The following STARD13 variants were observed in gnomAD, a reference collection of about 807,000 sequenced individuals.
The protein encoded by STARD13 is StAR related lipid transfer domain containing 13.
A neutral mutation model predicts 106.4 loss-of-function variants in STARD13; 62 were observed. The observed-to-expected ratio is 0.58, with a 90% CI of 0.48 to 0.72. The LOEUF is 0.72. Ranked by LOEUF, STARD13 falls within the 30% of genes least tolerant of loss-of-function variation. The pLI is 0.00. For synonymous variants in STARD13, 565 were observed against 553.0 expected (o/e 1.02, Z -0.31); for missense variants, 1,387 against 1,424.0 (o/e 0.97, Z 0.42).
chr13:33,449,812 G>A, the STARD13 span, among the ~76,000 whole-genome samples: 1 of 152,010 alleles, frequency 6.6e-6, no homozygotes, highest in Non-Finnish European at 1.5e-5. Flanking sequence ...TGCTTCGTTA[G>A]TTAAATTTAT....
At chr13:33,171,013 G>A (rs1883894783) in intron 1 of STARD13, among the ~76,000 whole-genome samples, 1 of 152,070 alleles carries the variant, frequency 6.6e-6, no homozygotes, top group Admixed American at 6.5e-5. Flanking sequence ...CAAAATGACT[G>A]GAGAACTAAA....
chr13:33,564,222 A>G, the STARD13 span, among the ~76,000 whole-genome samples: 19 of 143,714 alleles, frequency 1.3e-4, 1 homozygote, highest in South Asian at 2.2e-4. Flanking sequence ...AAAAAAAAAA[A>G]AAAAAGAAAA....
chr13:33,592,513 T>A, the STARD13 span, among the ~76,000 whole-genome samples: 39 of 152,290 alleles, frequency 2.6e-4, no homozygotes, highest in African/African-American at 8.2e-4. Context: ...TACAGGAGAA[T>A]GAGATACTCC....
chr13:33,327,917 G>A (rs2077794773), intron 1 of STARD13, among the ~76,000 whole-genome samples: 1 of 152,172 alleles, frequency 6.6e-6, no homozygotes, highest in African/African-American at 2.4e-5. Context: ...TTCTTGTGCG[G>A]TTCAAAAGTT....
At chr13:33,466,773 A>G in the STARD13 span, among the ~76,000 whole-genome samples, 1 of 152,258 alleles carries the variant, frequency 6.6e-6, no homozygotes, top group African/African-American at 2.4e-5. Context: ...ACTTTATGTT[A>G]TTAGTTGCTA....
At chr13:33,374,642 A>G in the STARD13 span, among the ~76,000 whole-genome samples, 1 of 152,150 alleles carries the variant, frequency 6.6e-6, no homozygotes, top group Non-Finnish European at 1.5e-5. Context: ...TTTTTCATGG[A>G]GTATATAGTT....
intron 10 of STARD13, among the ~76,000 whole-genome samples, chr13:33,111,391 G>C (rs1216337676): frequency 6.6e-6 from 1 of 152,146 alleles, no homozygotes; most frequent in East Asian, 1.9e-4. Flanking sequence ...CATATCTGTG[G>C]CTGTATTCAT....
intron 1 of STARD13, among the ~76,000 whole-genome samples, chr13:33,207,140 T>A (rs775055059): frequency 7.9e-5 from 12 of 152,202 alleles, no homozygotes; most frequent in Non-Finnish European, 1.5e-4. Flanking sequence ...GAGCTAAAGA[T>A]GAAAGGATTC....
chr13:33,236,771 T>C lies in STARD13; in HGVS notation c.169+48699A>G, dbSNP rs114375063. 3.2e-3 allele frequency among the ~76,000 whole-genome samples: 491 copies of C among 152,332 alleles called. 2 individuals carry two copies. Among genetic ancestry groups the C allele is most frequent in the African/African-American group, 0.011 (467 of 41,574 alleles). ...CTTGCGGACAGTGAGGACAGTGCGT[T>C]ACAACCACTCTGGCTCACAATAGCT... is the stretch of plus-strand genomic sequence containing the variant. On this transcript the variant is annotated intron_variant, in intron 1 of 13. Coordinates refer to ENST00000336934, the MANE Select transcript of STARD13 (RefSeq NM_178006.4).
At chr13:33,378,780 A>G in the STARD13 span, among the ~76,000 whole-genome samples, 1 of 146,532 alleles carries the variant, frequency 6.8e-6, no homozygotes, top group South Asian at 2.2e-4. Context: ...ACAGAGTGAG[A>G]CTCTGACTCA....
chr13:33,243,672 T>TGGTGGAGA (rs1272717255), intron 1 of STARD13, among the ~76,000 whole-genome samples: 1 of 151,092 alleles, frequency 6.6e-6, no homozygotes, highest in Non-Finnish European at 1.5e-5. Context: ...CAGCAGGGAG[T>TGGTGGAGA]GGTGGAGATG....
intron 1 of STARD13, among the ~76,000 whole-genome samples, chr13:33,264,115 G>T (rs530236448): frequency 3.5e-4 from 54 of 152,320 alleles, no homozygotes; most frequent in Non-Finnish European, 7.4e-4. Context: ...CCGAGAGGCA[G>T]CATCCACTGC....
chr13:33,127,544 C>T lies in STARD13; in HGVS notation c.1751G>A (p.Arg584Gln), dbSNP rs944961449. Residue 584 changes from arginine (R) to glutamine (Q), a missense_variant and splice_region_variant, in exon 6 of 14, where the codon CGA becomes CAA. Coordinates refer to ENST00000336934, the MANE Select transcript of STARD13 (RefSeq NM_178006.4). ...VGASLTRPNR[R>Q]LRWNSFQLSH... ...CAGCTGGAAACTGTTCCATCGGAGTCGCCTTTACCAGAGAGACCATCAGAG... is the reference window on the plus strand; with the variant it reads ...CAGCTGGAAACTGTTCCATCGGAGTTGCCTTTACCAGAGAGACCATCAGAG... 1.8e-5 allele frequency: 28 copies of T among 1,537,770 alleles called. No homozygotes were observed. The African/African-American group carries it at 2.1e-4, about 11-fold the overall frequency.
chr13:33,330,910 A>G (rs1462106131), intron 1 of STARD13, among the ~76,000 whole-genome samples: 3 of 152,218 alleles, frequency 2.0e-5, no homozygotes, highest in Non-Finnish European at 2.9e-5. Flanking sequence ...TGCAACATCC[A>G]TGCAAGAAAA....
At chr13:33,534,929 G>A in the STARD13 span, among the ~76,000 whole-genome samples, 8,929 of 152,168 alleles carry the variant, frequency 0.059, 325 homozygotes, top group Admixed American at 0.089. Context: ...ATAATAAAAG[G>A]AGAACCGGGC....
the STARD13 span, among the ~76,000 whole-genome samples, chr13:33,369,660 G>A: frequency 6.6e-6 from 1 of 151,696 alleles, no homozygotes; most frequent in South Asian, 2.1e-4. Context: ...CTTTCTACTT[G>A]TTTAAAAATG....
At chr13:33,244,047 C>G (rs1186120162) in intron 1 of STARD13, among the ~76,000 whole-genome samples, 2 of 146,822 alleles carry the variant, frequency 1.4e-5, no homozygotes, top group East Asian at 4.0e-4. Context: ...TTGCATTATC[C>G]AAAATGCTTC....
intron 1 of STARD13, among the ~76,000 whole-genome samples, chr13:33,233,381 C>T (rs2138218619): frequency 6.6e-6 from 1 of 152,344 alleles, no homozygotes; most frequent in South Asian, 2.1e-4. Flanking sequence ...ACTCCCCATC[C>T]TGTGCTTATA....
At chr13:33,265,890 G>C (rs1030958622) in intron 1 of STARD13, among the ~76,000 whole-genome samples, 1 of 152,080 alleles carries the variant, frequency 6.6e-6, no homozygotes, top group Non-Finnish European at 1.5e-5. Context: ...TCTTATCATG[G>C]GGAGTGGGGA....
Sources: gnomAD v4.1 joint callset for allele counts (sites outside exome capture counted in the v4.1 genomes callset) on GRCh38, gnomAD v4.1.1 for gene constraint, MANE v1.5 for transcripts, NCBI Gene and HGNC (gene_info 2026-07-23, HGNC 2026-07-21) for gene names.